The following PLEKHH3 variants were observed in gnomAD, a reference collection of about 807,000 sequenced individuals.
PLEKHH3 encodes the protein pleckstrin homology, MyTH4 and FERM domain containing H3, also known as pleckstrin homology domain-containing family H member 3.
PLEKHH3 carries 57 observed loss-of-function variants against 77.8 expected under a neutral mutation model. The observed-to-expected ratio is 0.73, with a 90% CI of 0.59 to 0.91. The LOEUF (loss-of-function observed/expected upper bound fraction) is 0.91, where lower values mean the gene tolerates loss of function less well. PLEKHH3 is among the 40% of genes least tolerant of loss of function. The pLI, the probability that PLEKHH3 is intolerant of heterozygous loss-of-function variation, is 0.00. For synonymous variants in PLEKHH3, 467 were observed against 504.8 expected, an observed-to-expected ratio of 0.93 and a Z score of 1.00; for missense variants, 1,082 against 1,091.2, an observed-to-expected ratio of 0.99 and a Z score of 0.12.
In PLEKHH3 at chr17:42,669,774, C is replaced by T. The variant is rs1001550579; in HGVS notation, c.2013+144G>A. 2.7e-6 allele frequency: 4 copies of T among 1,509,094 alleles called. No individual in the cohort carries two copies. In the Admixed American group the frequency reaches 5.9e-5, roughly 22 times the overall value. 93.5% of individuals were successfully genotyped at this position (1,509,094 alleles called of 1,614,324 possible). On this transcript the variant is annotated intron_variant, in intron 11 of 12. Coordinates refer to ENST00000591022, the MANE Select transcript of PLEKHH3 (RefSeq NM_024927.5). Reference sequence around the variant, plus strand: ...GCTGAGGCTCCAGGGATGTGAGGGCCCAAGGGCTGGTGACTCCTGGGGTTT... The same window carrying T: ...GCTGAGGCTCCAGGGATGTGAGGGCTCAAGGGCTGGTGACTCCTGGGGTTT...
intron 2 of PLEKHH3, 22 bp downstream of exon 2, chr17:42,674,331 TG>T: frequency 6.4e-7 from 1 of 1,552,388 alleles, no homozygotes. Context: ...CGCCAGACTA[TG>T]GGACGTAGGG....
At position 42,669,618 on chromosome 17, in the gene PLEKHH3, G is replaced by A. The variant is rs147869522; in HGVS notation, c.2017C>T (p.Pro673Ser). Reference sequence around the variant, plus strand: ...AGCTTCTGTGGAGCACCCCGACCAGGCTCCTGCAGACAGAGAGGCAGAGTC... The same window carrying A: ...AGCTTCTGTGGAGCACCCCGACCAGACTCCTGCAGACAGAGAGGCAGAGTC... ...RYDVLELSTE[P>S]GRGAPQKLCL... Residue 673 changes from proline (P) to serine (S), a missense_variant, in exon 12 of 13, where the codon CCT becomes TCT. Pro to Ser is a moderately conservative substitution (Grantham distance 74, BLOSUM62 -1). This residue lies in a region of PLEKHH3 where 733 missense variants were observed against 750.0 expected (regional missense o/e 0.98). Coordinates refer to ENST00000591022, the MANE Select transcript of PLEKHH3 (RefSeq NM_024927.5). 2 of 1,601,914 alleles carry A rather than the reference G, an allele frequency of 1.2e-6. No individual in the cohort carries two copies. The highest frequency in any genetic ancestry group is 4.5e-5 in the East Asian group (2 of 44,516).
Position 42,676,123 on chromosome 17 carries a change from G to A in PLEKHH3, c.162+279C>T. 1 of 1,299,344 alleles carries A rather than the reference G, an allele frequency of 7.7e-7. No homozygotes were observed. The highest frequency in any genetic ancestry group is 9.8e-7 in the Non-Finnish European group (1 of 1,024,572). The allele number at this position is 1,299,344 out of a possible 1,614,324, so 80.5% of individuals were successfully genotyped here. A position where few individuals can be genotyped will look rare whatever the true frequency, so the allele number is the denominator to read the frequency against. ...TGGGACGCGGGCCCAGCGGGGAAGG[G>A]AGAGGCAGGGCCAGGTCGGGCCACG... On this transcript the variant is annotated intron_variant, in intron 1 of 12. Coordinates refer to ENST00000591022, the MANE Select transcript of PLEKHH3 (RefSeq NM_024927.5). The surrounding 1 kb of genome is among the most constrained non-coding windows in gnomAD (Gnocchi z 6.6).
At chr17:42,672,439 A>G in intron 6 of PLEKHH3, 47 bp from the exon 7 acceptor site, 3 of 1,440,650 alleles carry the variant, frequency 2.1e-6, no homozygotes, top group Non-Finnish European at 2.7e-6. Flanking sequence ...GGGGACACAG[A>G]GCTGCGCCCT....
In PLEKHH3 at chr17:42,670,061, C is replaced by G. The variant is rs768571312; in HGVS notation, c.1870G>C (p.Ala624Pro). Residue 624 changes from alanine (A) to proline (P), a missense_variant, in exon 11 of 13, where the codon GCC (alanine) becomes CCC (proline). By Grantham distance (27) the Ala-to-Pro change is conservative (BLOSUM62 -1). Transcript: ENST00000591022. ...CCCAGCACGGCAGCTGCCGTGCCGG[C>G]GCCGCCTCCTCCCTCGCGGGCAATG... ...GSIAREGGGG[A>P]GTAAAVLGGW... 1 of 1,476,762 alleles carries G rather than the reference C, an allele frequency of 6.8e-7. No individual in the cohort carries two copies. The highest frequency in any genetic ancestry group is 8.9e-7 in the Non-Finnish European group (1 of 1,122,696). 91.5% of individuals were successfully genotyped at this position (1,476,762 alleles called of 1,614,324 possible). A position where few individuals can be genotyped will look rare whatever the true frequency, so the allele number is the denominator to read the frequency against.
In PLEKHH3 at chr17:42,670,664, G is replaced by T; in HGVS notation, c.1463C>A (p.Ser488Tyr). 1 of 1,613,112 alleles carries T rather than the reference G, an allele frequency of 6.2e-7. No individual in the cohort carries two copies. The highest frequency in any genetic ancestry group is 8.5e-7 in the Non-Finnish European group (1 of 1,179,840). ...EEAGLEDSPD[S>Y]GWRLCLRLHG... Reference sequence around the variant, plus strand: ...AAGACGCAGACATAGTCTCCACCCGGAGTCGGGCGAGTCCTCCAACCCAGC... The same window carrying T: ...AAGACGCAGACATAGTCTCCACCCGTAGTCGGGCGAGTCCTCCAACCCAGC... The change falls in exon 10 of 13, where the codon TCC becomes TAC. Residue 488 changes from serine (S) to tyrosine (Y), a missense_variant. Coordinates refer to ENST00000591022, the MANE Select transcript of PLEKHH3 (RefSeq NM_024927.5).
chr17:42,669,515 C>T lies in PLEKHH3; in HGVS notation c.2120G>A (p.Gly707Asp). Residue 707 changes from glycine (G) to aspartate (D), a missense_variant, in exon 12 of 13, where the codon GGC becomes GAC. Physicochemically the swap from Gly to Asp is moderately conservative, Grantham distance 94. Transcript: ENST00000591022. ...ETEPIHSVSY[G>D]HVAACQLMGP... ...CATTAGCTGGCAGGCGGCCACATGG[C>T]CATAGCTGACACTGTGGATGGGCTC... The T allele has an allele frequency of 1.2e-6, 2 of 1,610,430 alleles. No individual in the cohort carries two copies. The highest frequency in any genetic ancestry group is 1.7e-6 in the Non-Finnish European group (2 of 1,178,022).
intron 10 of PLEKHH3, 88 bp from the exon 11 acceptor site, chr17:42,670,464 CA>C (rs2052669020): frequency 6.6e-7 from 1 of 1,514,388 alleles, no homozygotes; most frequent in East Asian, 2.3e-5. Context: ...GTCTAGGTTC[CA>C]GTCAAGCCTC....
At position 42,671,381 on chromosome 17, in the gene PLEKHH3, C is replaced by T. The variant is rs371682891; in HGVS notation, c.1254G>A (p.Val418=). The change falls in exon 8 of 13, where the codon GTG becomes GTA. Residue 418 remains valine, a synonymous_variant. Transcript: ENST00000591022. The surrounding 1 kb of genome is among the most constrained non-coding windows in gnomAD (Gnocchi z 4.7). ...CCGCCGTGGTGTGGGAGTCGATGGC[C>T]ACAGCACAGGCACCAGCCCCCGGAC... ...VHCPGAGACA[V]AIDSHTTAGE... is the part of the protein sequence containing the mutation. 5 of 1,612,930 alleles carry T rather than the reference C, an allele frequency of 3.1e-6. No homozygotes were observed. In the African/African-American group the frequency reaches 6.7e-5, roughly 22 times the overall value.
intron 2 of PLEKHH3, 150 bp downstream of exon 2, chr17:42,674,204 G>C: frequency 8.9e-7 from 1 of 1,129,692 alleles, no homozygotes; most frequent in Non-Finnish European, 1.2e-6. Context: ...CGCGCCCCCA[G>C]CCGGACCGCC....
intron 2 of PLEKHH3, 152 bp downstream of exon 2, chr17:42,674,202 C>T: frequency 8.9e-7 from 1 of 1,126,814 alleles, no homozygotes; most frequent in Non-Finnish European, 1.2e-6. Flanking sequence ...CCCGCGCCCC[C>T]AGCCGGACCG....
In PLEKHH3 at chr17:42,670,001, C is replaced by T; in HGVS notation, c.1930G>A (p.Glu644Lys). The T allele has an allele frequency of 6.2e-7, 1 of 1,603,498 alleles. No individual in the cohort carries two copies. Among genetic ancestry groups the T allele is most frequent in the Non-Finnish European group, 8.5e-7 (1 of 1,176,986 alleles). Residue 644 changes from glutamate to lysine, a missense_variant, in exon 11 of 13, where the codon GAG (glutamate) becomes AAG (lysine). Glu to Lys is a moderately conservative substitution (Grantham distance 56). Transcript: ENST00000591022. ...AGGGCCAGGTAGGCGGCCATGGCCT[C>T]AGCTCGGCCCATGCCCCGTAGCCGC... ...WKRLRGMGRA[E>K]AMAAYLALAA...
Position 42,667,963 on chromosome 17 carries a change from T to A in PLEKHH3, c.*164A>T. On this transcript the variant is annotated 3_prime_UTR_variant, in exon 13 of 13. Transcript: ENST00000591022. ...TTTTTTTTTGCTTCTCTTCTACAAA[T>A]AAATTAAGAAACAAACTAGAAAATT... 2.1e-6 allele frequency: 1 copy of A among 485,046 alleles called. No individual in the cohort carries two copies. 30.0% of individuals were successfully genotyped at this position (485,046 alleles called of 1,614,324 possible). A position where few individuals can be genotyped will look rare whatever the true frequency, so the allele number is the denominator to read the frequency against.
Position 42,672,201 on chromosome 17 carries a change from G to A in PLEKHH3, c.961C>T (p.Leu321Phe), listed in dbSNP as rs1192191442. 3 of 1,551,072 alleles carry A rather than the reference G, an allele frequency of 1.9e-6. No individual in the cohort carries two copies. The highest frequency in any genetic ancestry group is 1.7e-6 in the Non-Finnish European group (2 of 1,147,088). ...QTSGPAGPPG[L>F]PATQDPAALR... ...GCCGCAGGGTCTTGGGTAGCCGGGA[G>A]CCCGGGGGGACCTGCAGGGCCCGAG... Residue 321 changes from leucine to phenylalanine, a missense_variant, in exon 7 of 13, where the codon CTC (leucine) becomes TTC (phenylalanine). By Grantham distance (22) the Leu-to-Phe change is conservative (BLOSUM62 0). This residue lies in a region of PLEKHH3 where 733 missense variants were observed against 750.0 expected (regional missense o/e 0.98). Coordinates refer to ENST00000591022, the MANE Select transcript of PLEKHH3 (RefSeq NM_024927.5).
At chr17:42,669,695 T>C (rs1384499406) in intron 11 of PLEKHH3, 74 bp from the exon 12 acceptor site, 1 of 1,498,572 alleles carries the variant, frequency 6.7e-7, no homozygotes. Flanking sequence ...GATGGGTGTC[T>C]GTGAGCAGGA....
Position 42,673,991 on chromosome 17 carries a change from A to C in PLEKHH3, c.241T>G (p.Trp81Gly). The C allele has an allele frequency of 1.2e-6, 2 of 1,613,308 alleles. No individual in the cohort carries two copies. The highest frequency in any genetic ancestry group is 1.7e-6 in the Non-Finnish European group (2 of 1,179,888). Residue 81 changes from tryptophan to glycine, a missense_variant, in exon 3 of 13, where the codon TGG becomes GGG. Physicochemically the swap from Trp to Gly is radical, Grantham distance 184. Around this residue, in one of 3 missense-constraint regions of PLEKHH3, gnomAD observed 344 missense variants for 320.8 expected, o/e 1.07. Coordinates refer to ENST00000591022, the MANE Select transcript of PLEKHH3 (RefSeq NM_024927.5). Reference protein sequence around the residue: ...SNRLQSWEETWSLIPEKGLPE... With the variant: ...SNRLQSWEETGSLIPEKGLPE... ...AGCCCTTTCTCCGGGATGAGGCTCC[A>C]AGTCTCCTCCCAGCTCTGCAGCCTG...
chr17:42,670,172 G>T lies in PLEKHH3; in HGVS notation c.1759C>A (p.Leu587Met). Residue 587 changes from leucine to methionine, a missense_variant, in exon 11 of 13, where the codon CTG becomes ATG. Leu to Met is a conservative substitution (Grantham distance 15). Coordinates refer to ENST00000591022, the MANE Select transcript of PLEKHH3 (RefSeq NM_024927.5). ...CCCGGGCTCCAGAGCGCCCCGGCCA[G>T]CAGGGCAGCGGAAGGGGGCGGCCTG... Reference protein sequence around the residue: ...TPRPPPSAALLAGALWSPGLA... With the variant: ...TPRPPPSAALMAGALWSPGLA... 8.3e-7 allele frequency: 1 copy of T among 1,211,132 alleles called. No homozygotes were observed. The highest frequency in any genetic ancestry group is 1.0e-6 in the Non-Finnish European group (1 of 977,902). The allele number at this position is 1,211,132 out of a possible 1,614,324, so 75.0% of individuals were successfully genotyped here. A position where few individuals can be genotyped will look rare whatever the true frequency, so the allele number is the denominator to read the frequency against.
rs1597794406 is a variant in PLEKHH3 at position 42,674,099 on chromosome 17, T to C, written c.219-86A>G. Reference sequence around the variant, plus strand: ...GGGCTCCCCAGACCGCACGGGTGTCTGCTCCCAAGCTGGGCACCCCTCCCC... The same window carrying C: ...GGGCTCCCCAGACCGCACGGGTGTCCGCTCCCAAGCTGGGCACCCCTCCCC... On this transcript the variant is annotated intron_variant, in intron 2 of 12. Coordinates refer to ENST00000591022, the MANE Select transcript of PLEKHH3 (RefSeq NM_024927.5). 6.4e-6 allele frequency: 9 copies of C among 1,408,650 alleles called. No homozygotes were observed. The East Asian group carries it at 1.9e-4, about 30-fold the overall frequency. The allele number at this position is 1,408,650 out of a possible 1,614,324, so 87.3% of individuals were successfully genotyped here.
Position 42,670,096 on chromosome 17 carries a change from G to T in PLEKHH3, c.1835C>A (p.Thr612Asn). 2.9e-6 allele frequency: 4 copies of T among 1,357,604 alleles called. No homozygotes were observed. The highest frequency in any genetic ancestry group is 1.9e-6 in the Non-Finnish European group (2 of 1,063,738). 84.1% of individuals were successfully genotyped at this position (1,357,604 alleles called of 1,614,324 possible). Reference sequence around the variant, plus strand: ...TCCCTCGCGGGCAATGCTTCCCGCAGTGCGGCCGGCCCCGCCGCGCCGGGC... The same window carrying T: ...TCCCTCGCGGGCAATGCTTCCCGCATTGCGGCCGGCCCCGCCGCGCCGGGC... Reference protein sequence around the residue: ...ERARRGGAGRTAGSIAREGGG... With the variant: ...ERARRGGAGRNAGSIAREGGG... The change falls in exon 11 of 13, where the codon ACT becomes AAT. Residue 612 changes from threonine to asparagine, a missense_variant. Physicochemically the swap from Thr to Asn is moderately conservative, Grantham distance 65 (BLOSUM62 0). Around this residue, in one of 3 missense-constraint regions of PLEKHH3, gnomAD observed 733 missense variants for 750.0 expected, o/e 0.98. Coordinates refer to ENST00000591022, the MANE Select transcript of PLEKHH3 (RefSeq NM_024927.5).
Sources: allele counts gnomAD v4.1 joint callset, GRCh38; gene constraint gnomAD v4.1.1; regional missense constraint gnomAD v4.1.1; non-coding constraint Gnocchi (gnomAD v3.1); transcripts MANE v1.5; gene names NCBI Gene and HGNC (gene_info 2026-07-23, HGNC 2026-07-21).